The following MIER1 variants were observed in gnomAD, a reference collection of about 807,000 sequenced individuals.
The protein encoded by MIER1 is MIER1 transcriptional regulator.
MIER1 carries 40 observed loss-of-function variants against 75.7 expected under a neutral mutation model. The ratio of observed to expected loss-of-function variants is 0.53; its 90% CI spans 0.41 to 0.69. The LOEUF is 0.69. Among genes scored for constraint, MIER1 ranks in the 30% least tolerant of loss-of-function variants. MIER1 has a pLI of 0.00. For synonymous variants in MIER1, 213 were observed against 223.4 expected, an observed-to-expected ratio of 0.95 and a Z score of 0.42; for missense variants, 574 against 680.2, an observed-to-expected ratio of 0.84 and a Z score of 1.74.
At position 66,984,737 on chromosome 1, in the gene MIER1, A is replaced by G. The variant is rs778106304; in HGVS notation, c.1535A>G (p.His512Arg). The change falls in exon 14 of 14, where the codon CAT (histidine) becomes CGT (arginine). Residue 512 changes from histidine (H) to arginine (R), a missense_variant. His to Arg is a conservative substitution (Grantham distance 29). Coordinates refer to ENST00000401041, the MANE Select transcript of MIER1 (RefSeq NM_001077700.3). The stretch of plus-strand genomic sequence containing the variant: ...CTTACCACTGACCCAAAACTTGCCC[A>G]TATGACTGCAAGAAATGAAAATGAT... ...DNLTTDPKLA[H>R]MTARNENDFD... 82 of 1,613,928 alleles carry G rather than the reference A, an allele frequency of 5.1e-5. No individual in the cohort carries two copies. Among genetic ancestry groups the G allele is most frequent in the Non-Finnish European group, 6.4e-5 (76 of 1,179,952 alleles).
chr1:66,982,457 C>T (rs1047890267), intron 13 of MIER1, among the ~76,000 whole-genome samples: 3 of 151,944 alleles, frequency 2.0e-5, no homozygotes, highest in African/African-American at 7.3e-5. Flanking sequence ...AAAGGCATAC[C>T]AATTGTTTGA....
chr1:66,947,785 C>A, intron 4 of MIER1: 2 of 279,780 alleles, frequency 7.1e-6, no homozygotes, highest in Non-Finnish European at 1.1e-5. Context: ...ATGATAATGG[C>A]CTCTTACCCA....
chr1:66,930,752 T>TG (rs1266774567), intron 2 of MIER1, among the ~76,000 whole-genome samples: 4 of 152,122 alleles, frequency 2.6e-5, no homozygotes, highest in African/African-American at 9.7e-5. Context: ...TGCTTCCTCT[T>TG]GCGAAGTTTT....
chr1:66,954,432 GA>G (rs1659665444), intron 4 of MIER1, among the ~76,000 whole-genome samples: 1 of 152,150 alleles, frequency 6.6e-6, no homozygotes, highest in African/African-American at 2.4e-5. Context: ...ATGGCCTTCT[GA>G]AATGATACTT....
chr1:66,935,932 A>G (rs1654702314), intron 2 of MIER1, among the ~76,000 whole-genome samples: 1 of 151,440 alleles, frequency 6.6e-6, no homozygotes, highest in Non-Finnish European at 1.5e-5. Context: ...TAATCAGCTA[A>G]TGCATGGACT....
chr1:66,941,480 GTTTC>G (rs1425180424), intron 3 of MIER1, among the ~76,000 whole-genome samples: 1 of 151,266 alleles, frequency 6.6e-6, no homozygotes, highest in African/African-American at 2.4e-5. Context: ...GATCCTACTT[GTTTC>G]TTATAGTATT....
At chr1:66,955,095 C>CTT (rs1659821482) in intron 4 of MIER1, among the ~76,000 whole-genome samples, 1 of 152,152 alleles carries the variant, frequency 6.6e-6, no homozygotes, top group African/African-American at 2.4e-5. Flanking sequence ...GTCAGACATT[C>CTT]TACATTCTTG....
intron 1 of MIER1, chr1:66,925,360 C>A (rs1392465433): frequency 1.0e-6 from 1 of 985,316 alleles, no homozygotes; most frequent in East Asian, 1.1e-4. Flanking sequence ...GTGGTGGCGC[C>A]GCGCTGGGAA....
chr1:66,970,829 T>C lies in MIER1; in HGVS notation c.794T>C (p.Leu265Pro). 1 of 1,568,702 alleles carries C rather than the reference T, an allele frequency of 6.4e-7. No individual in the cohort carries two copies. Among genetic ancestry groups the C allele is most frequent in the Admixed American group, 2.2e-5 (1 of 45,846 alleles). ...TTAGTATATGAAAATGATGATCAGC[T>C]CCTGTGGGACCCTGAGTACTTACCA... ...NEKVYENDDQ[L>P]LWDPEYLPED... The change falls in exon 9 of 14, where the codon CTC becomes CCC. Residue 265 changes from leucine to proline, a missense_variant. Transcript: ENST00000401041.
chr1:66,985,190 G>A lies in MIER1; in HGVS notation c.*290G>A. On this transcript the variant is annotated 3_prime_UTR_variant, in exon 14 of 14. Coordinates refer to ENST00000401041, the MANE Select transcript of MIER1 (RefSeq NM_001077700.3). The stretch of plus-strand genomic sequence containing the variant: ...TAGTTCATTCAGATTTACTAATTTT[G>A]GTAAATCTGAATGAACTAAAGATGT... 6 of 964,290 alleles carry A rather than the reference G, an allele frequency of 6.2e-6. No homozygotes were observed. Among genetic ancestry groups the A allele is most frequent in the Non-Finnish European group, 7.5e-6 (6 of 801,732 alleles). 59.7% of individuals were successfully genotyped at this position (964,290 alleles called of 1,614,324 possible). A position where few individuals can be genotyped will look rare whatever the true frequency, so the allele number is the denominator to read the frequency against.
At chr1:66,971,046 C>T in intron 9 of MIER1, 87 bp downstream of exon 9, 1 of 1,281,318 alleles carries the variant, frequency 7.8e-7, no homozygotes, top group Non-Finnish European at 1.1e-6. Context: ...ATTCTGTCCA[C>T]CAAACTTTTT....
At chr1:66,983,577 C>G (rs950581570) in intron 13 of MIER1, among the ~76,000 whole-genome samples, 16 of 152,038 alleles carry the variant, frequency 1.1e-4, no homozygotes, top group Non-Finnish European at 1.9e-4. Context: ...CTTTTCTCAC[C>G]TACTATAGAA....
intron 8 of MIER1, 62 bp downstream of exon 8, chr1:66,963,222 T>A: frequency 9.4e-7 from 1 of 1,058,654 alleles, no homozygotes; most frequent in Non-Finnish European, 1.5e-6. Context: ...ACTGTTACTT[T>A]ATATGTAAAA....
rs185790664 is a variant in MIER1 at position 66,984,307 on chromosome 1, C to T, written c.1370-265C>T. ...GCCAAATTCTGTTCTTAGTTCTTTA[C>T]ATTTATTAACTTATTTAATTTTCAC... On this transcript the variant is annotated intron_variant, in intron 13 of 13. Transcript: ENST00000401041. 3.5e-3 allele frequency among the ~76,000 whole-genome samples: 540 copies of T among 152,274 alleles called. 3 individuals are homozygous for T. The highest frequency in any genetic ancestry group is 0.012 in the African/African-American group (516 of 41,540).
At chr1:66,936,215 G>A (rs1312411832) in intron 2 of MIER1, among the ~76,000 whole-genome samples, 1 of 151,794 alleles carries the variant, frequency 6.6e-6, no homozygotes, top group African/African-American at 2.4e-5. Context: ...CTTAGCTTTA[G>A]TTTAGTTTTG....
At position 66,988,039 on chromosome 1, in the gene MIER1, T is replaced by G. The variant is rs909740139; in HGVS notation, c.*3139T>G. 1.3e-5 allele frequency: 2 copies of G among 152,348 alleles called. No homozygotes were observed. The highest frequency in any genetic ancestry group is 4.8e-5 in the African/African-American group (2 of 41,456). 9.4% of individuals were successfully genotyped at this position (152,348 alleles called of 1,614,324 possible). A position where few individuals can be genotyped will look rare whatever the true frequency, so the allele number is the denominator to read the frequency against. ...ACTTGTTTTGTCACAATATTTTCTTTGCTATCGATGGATAATTAGGAGTGG... is the reference window on the plus strand; with the variant it reads ...ACTTGTTTTGTCACAATATTTTCTTGGCTATCGATGGATAATTAGGAGTGG... On this transcript the variant is annotated 3_prime_UTR_variant, in exon 14 of 14. Transcript: ENST00000401041.
rs1056922549 is a variant in MIER1 at position 66,976,683 on chromosome 1, G to T, written c.1190G>T (p.Arg397Leu). ...TATGATTTCTTTGCTCAGCAAACAC[G>T]ATTTGGAAAGAAGAAATATAATCTT... is the stretch of plus-strand genomic sequence containing the variant. ...ERYDFFAQQT[R>L]FGKKKYNLHP... The change falls in exon 12 of 14, where the codon CGA becomes CTA. Residue 397 changes from arginine (R) to leucine (L), a missense_variant. Transcript: ENST00000401041. 3 of 1,605,466 alleles carry T rather than the reference G, an allele frequency of 1.9e-6. No homozygotes were observed. Among genetic ancestry groups the T allele is most frequent in the Non-Finnish European group, 2.6e-6 (3 of 1,176,158 alleles).
rs376214275 is a variant in MIER1, at chr1:66,984,706, G to C, written c.1504G>C (p.Asp502His). Residue 502 changes from aspartate to histidine, a missense_variant, in exon 14 of 14, where the codon GAT becomes CAT. By Grantham distance (81) the Asp-to-His change is moderately conservative. This residue lies in a region of MIER1 where 164 missense variants were observed against 154.3 expected (regional missense o/e 1.06). Coordinates refer to ENST00000401041, the MANE Select transcript of MIER1 (RefSeq NM_001077700.3). ...ADMDTNGYETDNLTTDPKLAH... is the reference protein window; with the variant it reads ...ADMDTNGYETHNLTTDPKLAH... ...TATGGATACTAATGGTTATGAAACA[G>C]ATAACCTTACCACTGACCCAAAACT... The C allele has an allele frequency of 2.9e-5, 47 of 1,613,924 alleles. 1 individual carries two copies. The East Asian group carries it at 5.8e-4, about 20-fold the overall frequency.
chr1:66,973,262 A>G (rs1664066871), intron 11 of MIER1, among the ~76,000 whole-genome samples: 1 of 152,088 alleles, frequency 6.6e-6, no homozygotes, highest in African/African-American at 2.4e-5. Flanking sequence ...TGGGGTGTGT[A>G]TGTGCAATGC....
Sources: allele counts gnomAD v4.1 joint callset (sites outside exome capture counted in the v4.1 genomes callset), GRCh38; gene constraint gnomAD v4.1.1; regional missense constraint gnomAD v4.1.1; transcripts MANE v1.5; gene names NCBI Gene and HGNC (gene_info 2026-07-23, HGNC 2026-07-21).